Variants in MCM3AP observed in about 807,000 individuals in gnomAD.
The protein encoded by MCM3AP is germinal-center associated nuclear protein.
In MCM3AP, 126 loss-of-function variants were observed where a neutral mutation model predicts 184.1. The ratio of observed to expected loss-of-function variants is 0.68; its 90% confidence interval spans 0.59 to 0.79. The LOEUF is 0.79. Ranked by LOEUF, MCM3AP falls within the 30% of genes least tolerant of loss-of-function variation. The probability of loss-of-function intolerance (pLI) is 0.00; values close to 1 mark genes in which losing one functional copy is unlikely to be tolerated. For missense variants in MCM3AP, 2,496 were observed against 2,479.2 expected (o/e 1.01, Z -0.14); for synonymous variants, 1,002 against 979.3 (o/e 1.02, Z -0.43).
chr21:46,254,708 C>A, intron 18 of MCM3AP, 68 bp downstream of exon 18: 1 of 1,488,626 alleles, frequency 6.7e-7, no homozygotes, highest in South Asian at 1.1e-5. Context: ...ATGAAGGGGG[C>A]TGCCAGTGTG....
In MCM3AP at chr21:46,284,433, G is replaced by A. The variant is rs773887549; in HGVS notation, c.854C>T (p.Pro285Leu). ...CCTTTTCAGTCCTTTCATTAGGCTG[G>A]GAAGTGGTTCCACCTGGGAAACAGC... is the stretch of plus-strand genomic sequence containing the variant. The part of the protein sequence containing the change: ...EEAVSQVEPL[P>L]SLMKGLKRKE... Residue 285 changes from proline (P) to leucine (L), a missense_variant, in exon 1 of 28, where the codon CCC (proline) becomes CTC (leucine). By Grantham distance (98) the Pro-to-Leu change is moderately conservative. This residue lies in a region of MCM3AP where 800 missense variants were observed against 717.1 expected (regional missense o/e 1.12). Transcript: ENST00000291688. 3.7e-6 allele frequency: 6 copies of A among 1,613,988 alleles called. No homozygotes were observed. The African/African-American group carries it at 8.0e-5, about 22-fold the overall frequency.
intron 23 of MCM3AP, 22 bp from the exon 24 acceptor site, chr21:46,243,744 A>C (rs747908665): frequency 6.2e-7 from 1 of 1,611,208 alleles, no homozygotes; most frequent in South Asian, 1.1e-5. Context: ...GTGCCTCATT[A>C]GTTACAGGTT....
Position 46,267,031 on chromosome 21 carries a change from C to T in MCM3AP, c.2740G>A (p.Glu914Lys), listed in dbSNP as rs557929670. The T allele has an allele frequency of 6.2e-7, 1 of 1,614,210 alleles. No individual in the cohort carries two copies. The highest frequency in any genetic ancestry group is 1.3e-5 in the African/African-American group (1 of 75,074). ...VVRMLLFRDC[E>K]EATDFLTCHG... ...CAGGTGAGGAAGTCGGTGGCCTCTT[C>T]ACAGTCTCTGAACAGCAGCATGCGC... The change falls in exon 10 of 28, where the codon GAA becomes AAA. Residue 914 changes from glutamate to lysine, a missense_variant. Transcript: ENST00000291688.
At chr21:46,282,079 G>C (rs1019058176) in intron 2 of MCM3AP, among the ~76,000 whole-genome samples, 1 of 152,094 alleles carries the variant, frequency 6.6e-6, no homozygotes, top group Admixed American at 6.6e-5. Flanking sequence ...AAGGCAGGAG[G>C]ACAGCTTGAG....
At chr21:46,280,225 T>C (rs1458695321) in intron 3 of MCM3AP, 88 bp from the exon 4 acceptor site, 11 of 1,382,938 alleles carry the variant, frequency 8.0e-6, no homozygotes, top group Non-Finnish European at 1.1e-5. Context: ...GAAAGTAATA[T>C]TATTTTCATT....
At chr21:46,267,948 G>C (rs2081134645) in intron 9 of MCM3AP, 1 of 151,606 alleles carries the variant, frequency 6.6e-6, no homozygotes, top group Non-Finnish European at 1.5e-5. Context: ...TGTAATCCCA[G>C]CACTTTGGGA....
chr21:46,269,366 C>T (rs1284871005), intron 9 of MCM3AP, among the ~76,000 whole-genome samples: 1 of 152,146 alleles, frequency 6.6e-6, no homozygotes. Flanking sequence ...ATTTTCCCAC[C>T]TCCCAAGTTT....
Position 46,285,312 on chromosome 21 carries a change from A to G in MCM3AP, c.-26T>C. 1 of 1,512,100 alleles carries G rather than the reference A, an allele frequency of 6.6e-7. No homozygotes were observed. Among genetic ancestry groups the G allele is most frequent in the Non-Finnish European group, 9.2e-7 (1 of 1,091,390 alleles). The allele number at this position is 1,512,100 out of a possible 1,614,324, so 93.7% of individuals were successfully genotyped here. On this transcript the variant is annotated 5_prime_UTR_variant, in exon 1 of 28. Coordinates refer to ENST00000291688, the MANE Select transcript of MCM3AP (RefSeq NM_003906.5). ...CTTCTGCTCCAATTATTAGAAGGTAATTAAGTATTATGTGTACAAAATTAA... is the reference window on the plus strand; with the variant it reads ...CTTCTGCTCCAATTATTAGAAGGTAGTTAAGTATTATGTGTACAAAATTAA...
At chr21:46,235,757 C>T (rs1269617056) in intron 27 of MCM3AP, among the ~76,000 whole-genome samples, 1 of 152,184 alleles carries the variant, frequency 6.6e-6, no homozygotes, top group Non-Finnish European at 1.5e-5. Context: ...ACCAGCTCAG[C>T]CTCCTGAGTA....
chr21:46,273,210 G>A (rs1220889532), intron 7 of MCM3AP, among the ~76,000 whole-genome samples, 178 bp downstream of exon 7: 1 of 152,140 alleles, frequency 6.6e-6, no homozygotes, highest in African/African-American at 2.4e-5. Flanking sequence ...CCTGACCTCA[G>A]GTGATCCACC....
At chr21:46,245,344 G>A in intron 22 of MCM3AP, 147 bp from the exon 23 acceptor site, 1 of 710,896 alleles carries the variant, frequency 1.4e-6, no homozygotes, top group South Asian at 1.9e-5. Flanking sequence ...GAACAGAAGT[G>A]TCCTATGCAG....
chr21:46,267,257 G>T, intron 9 of MCM3AP, 115 bp from the exon 10 acceptor site: 1 of 975,232 alleles, frequency 1.0e-6, no homozygotes, highest in Non-Finnish European at 1.5e-6. Context: ...CTCCTGGGCT[G>T]AGTCCACCAG....
rs761106469 is a variant in MCM3AP, at chr21:46,243,490, C to G, written c.5271G>C (p.Thr1757=). Residue 1757 remains threonine (T), a synonymous_variant, in exon 24 of 28, where the codon ACG becomes ACC. Coordinates refer to ENST00000291688, the MANE Select transcript of MCM3AP (RefSeq NM_003906.5). ...CTGATGTAACAGGAAGCCGGGGGGG[C>G]GTCCAGTCTCTCAGCTTGTGGTTGA... is the stretch of plus-strand genomic sequence containing the variant. ...LCINHKLRDW[T]PPRLPVTSEA... is the part of the protein sequence containing the mutation. 24 of 1,612,092 alleles carry G rather than the reference C, an allele frequency of 1.5e-5. No homozygotes were observed. The East Asian group carries it at 5.4e-4, about 36-fold the overall frequency.
chr21:46,266,049 C>A lies in MCM3AP; in HGVS notation c.2907G>T (p.Gly969=). The change falls in exon 11 of 28, where the codon GGG becomes GGT. Residue 969 remains glycine (G), a synonymous_variant. Transcript: ENST00000291688. The part of the protein sequence containing the change: ...TVSVGEIVNG[G]PLPPVPRHTP... The stretch of plus-strand genomic sequence containing the variant: ...TATGACGAGGGACGGGGGGCAATGG[C>A]CCTCCGTTCACAATTTCCCCGACTG... 6.2e-7 allele frequency: 1 copy of A among 1,612,284 alleles called. No homozygotes were observed. Among genetic ancestry groups the A allele is most frequent in the Non-Finnish European group, 8.5e-7 (1 of 1,179,264 alleles).
intron 12 of MCM3AP, 60 bp downstream of exon 12, chr21:46,265,261 A>G: frequency 6.6e-7 from 1 of 1,506,136 alleles, no homozygotes; most frequent in Non-Finnish European, 9.2e-7. Context: ...GGTGATGACT[A>G]AGGACGTTTG....
At chr21:46,282,824 TAAAAAG>T (rs1039828713) in intron 2 of MCM3AP, among the ~76,000 whole-genome samples, 14 of 151,856 alleles carry the variant, frequency 9.2e-5, no homozygotes, top group African/African-American at 2.9e-4. Context: ...AATAAATAAA[TAAAAAG>T]AAAGTATTAT....
At chr21:46,280,460 T>G (rs755288139) in intron 3 of MCM3AP, 37 bp downstream of exon 3, 1 of 1,442,832 alleles carries the variant, frequency 6.9e-7, no homozygotes, top group Non-Finnish European at 9.6e-7. Flanking sequence ...ATAAAAATAA[T>G]TTTTTTAAAA....
intron 23 of MCM3AP, 43 bp downstream of exon 23, chr21:46,244,764 T>C: frequency 6.4e-7 from 1 of 1,556,308 alleles, no homozygotes. Flanking sequence ...GCCTGAGACT[T>C]GGCTGCAGCC....
At position 46,261,253 on chromosome 21, in the gene MCM3AP, T is replaced by G. The variant is rs754476677; in HGVS notation, c.3467+27A>C. On this transcript the variant is annotated intron_variant, in intron 14 of 27. Coordinates refer to ENST00000291688, the MANE Select transcript of MCM3AP (RefSeq NM_003906.5). The stretch of plus-strand genomic sequence containing the variant: ...CCTGTGTCCACACTGAGCTCCTTAT[T>G]CGGCTGCATGGACAAGACACACTTA... The G allele has an allele frequency of 1.9e-6, 3 of 1,612,790 alleles. No individual in the cohort carries two copies. The South Asian group carries it at 3.3e-5, about 18-fold the overall frequency.
Sources: gnomAD v4.1 joint callset for allele counts (sites outside exome capture counted in the v4.1 genomes callset) on GRCh38, gnomAD v4.1.1 for gene constraint, gnomAD v4.1.1 regional missense constraint, MANE v1.5 for transcripts, NCBI Gene and HGNC (gene_info 2026-07-23, HGNC 2026-07-21) for gene names.